SYN3: variants seen among roughly 807,000 people sequenced by gnomAD.
The protein encoded by SYN3 is synapsin-3.
A neutral mutation model predicts 65.8 loss-of-function variants in SYN3; 35 were observed. The observed-to-expected ratio is 0.53, with a 90% CI of 0.41 to 0.70. The LOEUF (loss-of-function observed/expected upper bound fraction) is 0.70, where lower values mean the gene tolerates loss of function less well. Among genes scored for constraint, SYN3 ranks in the 30% least tolerant of loss-of-function variants. The pLI is 0.00. For missense variants in SYN3, 680 were observed against 749.0 expected, an observed-to-expected ratio of 0.91 and a Z score of 1.08; for synonymous variants, 270 against 292.9, an observed-to-expected ratio of 0.92 and a Z score of 0.80.
intron 1 of SYN3, among the ~76,000 whole-genome samples, chr22:33,024,578 T>C (rs1254938418): frequency 6.6e-6 from 1 of 152,242 alleles, no homozygotes; most frequent in Non-Finnish European, 1.5e-5. Flanking sequence ...CTTAAATTTC[T>C]TTTTGGCATG....
At chr22:32,865,776 G>C (rs1240682023) in intron 5 of SYN3, among the ~76,000 whole-genome samples, 2 of 152,100 alleles carry the variant, frequency 1.3e-5, no homozygotes, top group Non-Finnish European at 2.9e-5. Flanking sequence ...GCTGAATATG[G>C]GGGCAAGGCC....
At chr22:33,041,065 C>T (rs2053956272) in intron 1 of SYN3, among the ~76,000 whole-genome samples, 5 of 151,728 alleles carry the variant, frequency 3.3e-5, no homozygotes, top group Admixed American at 3.3e-4. Context: ...CAGGCATGCG[C>T]CACCATCCCC....
intron 6 of SYN3, among the ~76,000 whole-genome samples, chr22:32,711,630 C>G (rs905365406): frequency 6.6e-6 from 1 of 152,186 alleles, no homozygotes; most frequent in African/African-American, 2.4e-5. Flanking sequence ...AAATAACTGC[C>G]TATGCCTCTT....
At chr22:32,787,598 G>A (rs919544200) in intron 6 of SYN3, among the ~76,000 whole-genome samples, 2 of 152,190 alleles carry the variant, frequency 1.3e-5, no homozygotes, top group African/African-American at 4.8e-5. Context: ...CTGGGATACC[G>A]GGGACAGAGC....
intron 3 of SYN3, among the ~76,000 whole-genome samples, chr22:32,964,419 T>TA (rs201659599): frequency 0.016 from 2,099 of 128,714 alleles, 20 homozygotes; most frequent in Non-Finnish European, 0.026. Context: ...TAAAGTATAA[T>TA]AAAAAAAAAA....
rs143182984 is a variant in SYN3 at position 32,729,498 on chromosome 22, C to T, written c.712-132762G>A. ...GGGGATCCTCCAAAGTAACTGGGAA[C>T]TACAGTGATGGGGACTGAAGTCCCG... On this transcript the variant is annotated intron_variant, in intron 6 of 13. Coordinates refer to ENST00000358763, the MANE Select transcript of SYN3 (RefSeq NM_003490.4). Among the ~76,000 whole-genome samples, 161 of 152,346 alleles carry T rather than the reference C, an allele frequency of 1.1e-3. 2 individuals are homozygous for T. Among genetic ancestry groups the T allele is most frequent in the African/African-American group, 3.7e-3 (155 of 41,582 alleles).
intron 4 of SYN3, among the ~76,000 whole-genome samples, chr22:32,892,859 AGGCTAGGTGAAT>A (rs2049490501): frequency 6.6e-6 from 1 of 152,188 alleles, no homozygotes; most frequent in Non-Finnish European, 1.5e-5. Context: ...TTTCTGGGGT[AGGCTAGGTGAAT>A]GAGTGAATTG....
intron 3 of SYN3, among the ~76,000 whole-genome samples, chr22:32,957,110 G>A (rs2051490217): frequency 6.6e-6 from 1 of 152,136 alleles, no homozygotes. Context: ...TGGCACCTCT[G>A]GAGAGATGGT....
At chr22:32,607,287 T>C (rs1283639916) in intron 6 of SYN3, among the ~76,000 whole-genome samples, 2 of 152,196 alleles carry the variant, frequency 1.3e-5, no homozygotes, top group Non-Finnish European at 2.9e-5. Flanking sequence ...CAGACCTGCC[T>C]CCTGATCCCG....
intron 6 of SYN3, among the ~76,000 whole-genome samples, chr22:32,644,394 C>T (rs1370789617): frequency 1.3e-5 from 2 of 152,040 alleles, no homozygotes; most frequent in African/African-American, 4.8e-5. Context: ...CTCCACCAGT[C>T]CCTGAAGGCA....
intron 5 of SYN3, among the ~76,000 whole-genome samples, chr22:32,867,644 G>A (rs1045538730): frequency 8.5e-5 from 13 of 152,084 alleles, no homozygotes; most frequent in Admixed American, 2.6e-4. Flanking sequence ...GCGCAGTGGC[G>A]CAATCTCAGC....
At chr22:32,715,000 C>T (rs73156418) in intron 6 of SYN3, among the ~76,000 whole-genome samples, 2,577 of 152,180 alleles carry the variant, frequency 0.017, 24 homozygotes, top group Non-Finnish European at 0.018. Context: ...TTCTGCGGAG[C>T]GCTCCTTCCC....
At chr22:32,865,459 G>T (rs569629208) in intron 5 of SYN3, among the ~76,000 whole-genome samples, 1 of 152,294 alleles carries the variant, frequency 6.6e-6, no homozygotes, top group Non-Finnish European at 1.5e-5. Context: ...AACCTGGGAA[G>T]TCAATTCAGG....
intron 6 of SYN3, among the ~76,000 whole-genome samples, chr22:32,779,182 G>C (rs130534): frequency 0.037 from 5,648 of 152,230 alleles, 347 homozygotes; most frequent in African/African-American, 0.13. Flanking sequence ...GCAACCAGCC[G>C]GGCATGGTGG....
chr22:32,509,717 C>T lies in SYN3; in HGVS notation c.*3975G>A, dbSNP rs982677827. Among the ~76,000 whole-genome samples the T allele has an allele frequency of 3.9e-5, 6 of 151,934 alleles. No individual in the cohort carries two copies. The highest frequency in any genetic ancestry group is 7.4e-5 in the Non-Finnish European group (5 of 68,018). ...CCTAGTAGCTGGGACTACAGGCGCC[C>T]GCTACCACGCCCGGCTAATTTTTTA... is the stretch of plus-strand genomic sequence containing the variant. On this transcript the variant is annotated 3_prime_UTR_variant, in exon 14 of 14. Transcript: ENST00000358763.
At chr22:32,642,496 A>T (rs956175476) in intron 6 of SYN3, among the ~76,000 whole-genome samples, 1 of 151,134 alleles carries the variant, frequency 6.6e-6, no homozygotes, top group Non-Finnish European at 1.5e-5. Context: ...GCTGGAGTGC[A>T]GTGGCGCAAT....
chr22:32,815,861 A>G (rs2047076332), intron 6 of SYN3, among the ~76,000 whole-genome samples: 1 of 152,134 alleles, frequency 6.6e-6, no homozygotes, highest in Non-Finnish European at 1.5e-5. Context: ...CCACTGCATG[A>G]TGGCAGAGCT....
At chr22:33,035,622 A>C (rs2053845787) in intron 1 of SYN3, among the ~76,000 whole-genome samples, 1 of 152,218 alleles carries the variant, frequency 6.6e-6, no homozygotes, top group South Asian at 2.1e-4. Flanking sequence ...CCTGTCACCC[A>C]GGCTGGAGTG....
chr22:32,821,977 G>A (rs975087924), intron 6 of SYN3, among the ~76,000 whole-genome samples: 1 of 152,090 alleles, frequency 6.6e-6, no homozygotes. Flanking sequence ...CCAACATGGA[G>A]AAACCCCATC....
Sources: allele counts gnomAD v4.1 joint callset (sites outside exome capture counted in the v4.1 genomes callset), GRCh38; gene constraint gnomAD v4.1.1; transcripts MANE v1.5; gene names NCBI Gene and HGNC (gene_info 2026-07-23, HGNC 2026-07-21).